ARB2A: variants seen among roughly 807,000 people sequenced by gnomAD.
ARB2A encodes cotranscriptional regulator ARB2A.
the ARB2A span, among the ~76,000 whole-genome samples, chr5:93,670,748 T>C: frequency 1.2e-3 from 177 of 152,340 alleles, no homozygotes; most frequent in African/African-American, 4.1e-3. Flanking sequence ...TTTCTGATTA[T>C]GAAAAAATTA....
At chr5:93,719,258 G>T in the ARB2A span, among the ~76,000 whole-genome samples, 2 of 152,140 alleles carry the variant, frequency 1.3e-5, no homozygotes, top group Admixed American at 6.5e-5. Context: ...TGAAACATTT[G>T]ATCTGTTTGA....
chr5:93,984,621 G>A, the ARB2A span, among the ~76,000 whole-genome samples: 168 of 152,158 alleles, frequency 1.1e-3, no homozygotes, highest in African/African-American at 3.9e-3. Flanking sequence ...CCAAACTGAA[G>A]TTTTTACTGA....
the ARB2A span, among the ~76,000 whole-genome samples, chr5:93,963,361 GAAT>G: frequency 1.3e-5 from 2 of 151,940 alleles, no homozygotes; most frequent in Non-Finnish European, 2.9e-5. Context: ...CTGTTACACA[GAAT>G]AATATTTTAT....
the ARB2A span, among the ~76,000 whole-genome samples, chr5:93,984,416 C>T: frequency 6.6e-6 from 1 of 152,140 alleles, no homozygotes; most frequent in Non-Finnish European, 1.5e-5. Flanking sequence ...CATCAAAAGA[C>T]TTTAATTTCT....
chr5:93,713,976 G>A, the ARB2A span, among the ~76,000 whole-genome samples: 2 of 152,154 alleles, frequency 1.3e-5, no homozygotes, highest in Admixed American at 6.5e-5. Flanking sequence ...GGGGCCAATA[G>A]GACTAGGGGC....
the ARB2A span, among the ~76,000 whole-genome samples, chr5:94,007,082 A>C: frequency 6.6e-6 from 1 of 152,204 alleles, no homozygotes; most frequent in African/African-American, 2.4e-5. Flanking sequence ...TAAGACAAAG[A>C]GTCAGAAATT....
the ARB2A span, among the ~76,000 whole-genome samples, chr5:93,885,367 ATAT>A: frequency 6.6e-6 from 1 of 151,736 alleles, no homozygotes. Flanking sequence ...TACTTCTTTT[ATAT>A]TTAATTATTC....
the ARB2A span, among the ~76,000 whole-genome samples, chr5:93,982,875 C>T: frequency 1.5e-4 from 23 of 152,048 alleles, no homozygotes; most frequent in Non-Finnish European, 2.9e-4. Context: ...GCCAACATGG[C>T]GAAACCCCAC....
At chr5:93,936,037 A>C in the ARB2A span, among the ~76,000 whole-genome samples, 1 of 152,202 alleles carries the variant, frequency 6.6e-6, no homozygotes, top group Admixed American at 6.5e-5. Flanking sequence ...ATAGACTTTG[A>C]GTATTTTTAT....
chr5:93,824,147 C>G, the ARB2A span: 2 of 1,577,748 alleles, frequency 1.3e-6, no homozygotes, highest in South Asian at 2.4e-5. Flanking sequence ...TAAGCACTTA[C>G]CAGTTCAACA....
At chr5:93,960,498 C>T in the ARB2A span, among the ~76,000 whole-genome samples, 1 of 152,166 alleles carries the variant, frequency 6.6e-6, no homozygotes, top group South Asian at 2.1e-4. Flanking sequence ...TAAGTCCAGG[C>T]AGGCACAGAG....
the ARB2A span, among the ~76,000 whole-genome samples, chr5:93,972,893 T>C: frequency 5.2e-5 from 6 of 114,632 alleles, no homozygotes; most frequent in African/African-American, 1.7e-4. Flanking sequence ...CTGGGCAACA[T>C]AGGGAGACCT....
chr5:93,972,190 T>C, the ARB2A span, among the ~76,000 whole-genome samples: 1 of 152,120 alleles, frequency 6.6e-6, no homozygotes, highest in Non-Finnish European at 1.5e-5. Context: ...CCATTGCCTC[T>C]GCTCCTGCAC....
chr5:93,980,451 C>T, the ARB2A span, among the ~76,000 whole-genome samples: 1 of 152,096 alleles, frequency 6.6e-6, no homozygotes, highest in African/African-American at 2.4e-5. Flanking sequence ...TTTATTAATC[C>T]TCCTGAGGAC....
chr5:93,761,305 A>C, the ARB2A span, among the ~76,000 whole-genome samples: 1 of 152,150 alleles, frequency 6.6e-6, no homozygotes, highest in Non-Finnish European at 1.5e-5. Context: ...TCCCTTTCCT[A>C]GTCAAAGAAA....
chr5:93,823,013 A>G, the ARB2A span, among the ~76,000 whole-genome samples: 1 of 152,196 alleles, frequency 6.6e-6, no homozygotes, highest in Admixed American at 6.5e-5. Context: ...TTCAATTTCC[A>G]TGTCAGAGAA....
the ARB2A span, chr5:93,740,782 C>A: frequency 6.2e-7 from 1 of 1,612,310 alleles, no homozygotes; most frequent in South Asian, 1.1e-5. Context: ...CATCTTGCTG[C>A]GGTTATAGAA....
At chr5:93,792,026 G>C in the ARB2A span, among the ~76,000 whole-genome samples, 2 of 152,106 alleles carry the variant, frequency 1.3e-5, no homozygotes, top group African/African-American at 4.8e-5. Flanking sequence ...GATGTGGTTG[G>C]GGGTGGGGAG....
At chr5:93,637,072 T>C in the ARB2A span, among the ~76,000 whole-genome samples, 6 of 152,286 alleles carry the variant, frequency 3.9e-5, no homozygotes, top group South Asian at 1.2e-3. Context: ...CCACTCCCAC[T>C]TCCTTCCCCC....
Sources: gnomAD v4.1 joint callset for allele counts (sites outside exome capture counted in the v4.1 genomes callset) on GRCh38, gnomAD v4.1.1 for gene constraint, MANE v1.5 for transcripts, NCBI Gene and HGNC (gene_info 2026-07-23, HGNC 2026-07-21) for gene names.